The following ABAT variants were observed in gnomAD, a reference collection of about 807,000 sequenced individuals.
The protein encoded by ABAT is 4-aminobutyrate aminotransferase, mitochondrial.
Under a neutral mutation model 64.6 loss-of-function variants are expected in ABAT, and 45 were observed. The observed-to-expected ratio is 0.70, with a 90% CI of 0.55 to 0.89. The LOEUF (loss-of-function observed/expected upper bound fraction) is 0.89. ABAT is among the 40% of genes least tolerant of loss of function. The probability of loss-of-function intolerance (pLI) is 0.00; values close to 1 mark genes in which losing one functional copy is unlikely to be tolerated. For missense variants in ABAT, 633 were observed against 658.4 expected, an observed-to-expected ratio of 0.96 and a Z score of 0.42; for synonymous variants, 297 against 250.5, an observed-to-expected ratio of 1.19 and a Z score of -1.75.
chr16:8,735,250 G>C (rs561685144), intron 1 of ABAT, among the ~76,000 whole-genome samples: 1 of 145,994 alleles, frequency 6.8e-6, no homozygotes, highest in Admixed American at 6.7e-5. Context: ...TTTTTGTTTT[G>C]TTTTGGTTTG....
chr16:8,753,573 A>G (rs2059554404), intron 5 of ABAT, among the ~76,000 whole-genome samples: 1 of 152,228 alleles, frequency 6.6e-6, no homozygotes, highest in Admixed American at 6.5e-5. Context: ...AGGCTTAATG[A>G]GGTCTACCTG....
At chr16:8,718,791 A>G (rs1052408288) in intron 1 of ABAT, among the ~76,000 whole-genome samples, 3 of 152,220 alleles carry the variant, frequency 2.0e-5, no homozygotes, top group Admixed American at 1.3e-4. Context: ...TTCATTCGTA[A>G]AATCAGAGCA....
chr16:8,731,263 A>C (rs1429250598), intron 1 of ABAT, among the ~76,000 whole-genome samples: 1 of 152,178 alleles, frequency 6.6e-6, no homozygotes, highest in Non-Finnish European at 1.5e-5. Flanking sequence ...CTGCCAGCCC[A>C]AAGAGAAACT....
intron 1 of ABAT, among the ~76,000 whole-genome samples, chr16:8,691,150 C>T (rs1409603966): frequency 2.0e-5 from 3 of 152,162 alleles, no homozygotes; most frequent in African/African-American, 7.2e-5. Context: ...GCTACAGCCA[C>T]ACCTCCTCTG....
At chr16:8,761,047 G>C (rs1157285459) in intron 6 of ABAT, among the ~76,000 whole-genome samples, 1 of 151,872 alleles carries the variant, frequency 6.6e-6, no homozygotes, top group African/African-American at 2.4e-5. Flanking sequence ...CTGCACTCCA[G>C]CCTGGGTGAC....
intron 14 of ABAT, among the ~76,000 whole-genome samples, chr16:8,777,446 G>A (rs1188736313): frequency 6.6e-6 from 1 of 152,154 alleles, no homozygotes; most frequent in Non-Finnish European, 1.5e-5. Context: ...GCAATAGGAA[G>A]GAAAAAGAAG....
At chr16:8,695,502 T>G (rs988625361) in intron 1 of ABAT, among the ~76,000 whole-genome samples, 1 of 152,208 alleles carries the variant, frequency 6.6e-6, no homozygotes, top group African/African-American at 2.4e-5. Context: ...CGCTTACTTG[T>G]GGCAAGAATA....
At chr16:8,704,831 C>T (rs759763203) in intron 1 of ABAT, among the ~76,000 whole-genome samples, 12 of 152,158 alleles carry the variant, frequency 7.9e-5, no homozygotes, top group Admixed American at 3.3e-4. Flanking sequence ...CAACTGAGCA[C>T]GCTTCTTTTT....
At chr16:8,769,785 C>T (rs549463140) in intron 11 of ABAT, among the ~76,000 whole-genome samples, 6 of 152,240 alleles carry the variant, frequency 3.9e-5, no homozygotes, top group Non-Finnish European at 5.9e-5. Flanking sequence ...TTTAGATCCA[C>T]TCAGTATATG....
At chr16:8,738,875 C>T (rs1313586932) in intron 2 of ABAT, among the ~76,000 whole-genome samples, 1 of 152,118 alleles carries the variant, frequency 6.6e-6, no homozygotes, top group Non-Finnish European at 1.5e-5. Flanking sequence ...CAACTCCTGA[C>T]CTCAAGTGAT....
At chr16:8,779,301 G>C (rs1402200744) in intron 14 of ABAT, among the ~76,000 whole-genome samples, 178 bp from the exon 15 acceptor site, 1 of 152,184 alleles carries the variant, frequency 6.6e-6, no homozygotes, top group Non-Finnish European at 1.5e-5. Flanking sequence ...CATGTGCACA[G>C]CTGGGCTTTG....
chr16:8,726,047 T>C (rs1445740366), intron 1 of ABAT, among the ~76,000 whole-genome samples: 1 of 151,970 alleles, frequency 6.6e-6, no homozygotes, highest in African/African-American at 2.4e-5. Flanking sequence ...ATTTTTTTTG[T>C]ACCCATTAAC....
chr16:8,700,201 G>A lies in ABAT; in HGVS notation c.-42+25490G>A, dbSNP rs2057789302. Among the ~76,000 whole-genome samples, 4 of 152,220 alleles carry A rather than the reference G, an allele frequency of 2.6e-5. No homozygotes were observed. The South Asian group carries it at 8.3e-4, about 32-fold the overall frequency. ...TACAGACATGAGTATTGCAGGTGTG[G>A]TTTTTGCCCTCTCACAGCTTGTGGT... is the stretch of plus-strand genomic sequence containing the variant. On this transcript the variant is annotated intron_variant, in intron 1 of 15. Transcript: ENST00000268251.
At chr16:8,723,709 C>G (rs187804787) in intron 1 of ABAT, among the ~76,000 whole-genome samples, 183 of 150,848 alleles carry the variant, frequency 1.2e-3, no homozygotes, top group African/African-American at 4.2e-3. Context: ...ATCACTATCT[C>G]CAATCTACAA....
intron 1 of ABAT, among the ~76,000 whole-genome samples, chr16:8,725,125 G>A (rs1159465128): frequency 1.3e-5 from 2 of 151,944 alleles, no homozygotes; most frequent in African/African-American, 2.4e-5. Context: ...CATGTTGGTC[G>A]GGCTGGTCTC....
intron 1 of ABAT, among the ~76,000 whole-genome samples, chr16:8,702,505 G>A (rs12444390): frequency 0.043 from 6,513 of 152,066 alleles, 179 homozygotes; most frequent in South Asian, 0.11. Context: ...CTCCCGCCTC[G>A]GCCTCCCAAA....
intron 1 of ABAT, among the ~76,000 whole-genome samples, chr16:8,674,925 T>G (rs2057159784): frequency 2.0e-5 from 3 of 151,900 alleles, no homozygotes. Flanking sequence ...AAATGGGCCC[T>G]TCCTCCTGGC....
intron 1 of ABAT, among the ~76,000 whole-genome samples, chr16:8,698,613 C>T (rs112949227): frequency 0.049 from 7,402 of 152,068 alleles, 585 homozygotes; most frequent in African/African-American, 0.17. Flanking sequence ...GGATTACAGG[C>T]GTGAGCCACT....
intron 2 of ABAT, among the ~76,000 whole-genome samples, chr16:8,737,979 AG>A (rs1567295599): frequency 1.8e-4 from 15 of 83,658 alleles, no homozygotes; most frequent in African/African-American, 7.6e-4. Context: ...GAAGGAAGGA[AG>A]GAAGGAAGGA....
Sources: gnomAD v4.1 joint callset for allele counts (sites outside exome capture counted in the v4.1 genomes callset) on GRCh38, gnomAD v4.1.1 for gene constraint, MANE v1.5 for transcripts, NCBI Gene and HGNC (gene_info 2026-07-23, HGNC 2026-07-21) for gene names.